Variants in EML6 observed in about 807,000 individuals in gnomAD.
EML6 encodes EMAP like 6, also known as echinoderm microtubule-associated protein-like 6.
EML6 carries 154 observed loss-of-function variants against 240.1 expected under a neutral mutation model. That is an observed-to-expected ratio of 0.64 (90% CI 0.56 to 0.73). EML6 has a LOEUF of 0.73. Among genes scored for constraint, EML6 ranks in the 30% least tolerant of loss-of-function variants. The probability of loss-of-function intolerance (pLI) is 0.00; values close to 1 mark genes in which losing one functional copy is unlikely to be tolerated. For missense variants in EML6, 2,964 were observed against 2,474.6 expected, an observed-to-expected ratio of 1.20 and a Z score of -4.20; for synonymous variants, 1,148 against 899.0, an observed-to-expected ratio of 1.28 and a Z score of -4.95.
intron 29 of EML6, among the ~76,000 whole-genome samples, chr2:54,950,015 A>G (rs1264662385): frequency 6.6e-6 from 1 of 152,244 alleles, no homozygotes; most frequent in Non-Finnish European, 1.5e-5. Context: ...CTGCACAGTG[A>G]TAGGCACAGA....
intron 32 of EML6, among the ~76,000 whole-genome samples, 164 bp from the exon 33 acceptor site, chr2:54,957,626 C>G (rs980691155): frequency 7.9e-5 from 12 of 152,218 alleles, no homozygotes; most frequent in Non-Finnish European, 1.3e-4. Flanking sequence ...GACACACTTT[C>G]CCCGCTGCCA....
At chr2:54,799,790 G>A (rs1212555843) in intron 2 of EML6, among the ~76,000 whole-genome samples, 1 of 152,224 alleles carries the variant, frequency 6.6e-6, no homozygotes, top group Admixed American at 6.5e-5. Context: ...TGAGATTGGA[G>A]AGGTAAAATT....
rs898957498 is a variant in EML6, at chr2:54,949,965, A to C, written c.4084-685A>C. Among the ~76,000 whole-genome samples, 5 of 151,864 alleles carry C rather than the reference A, an allele frequency of 3.3e-5. No homozygotes were observed. The South Asian group carries it at 6.3e-4, about 19-fold the overall frequency. ...GTCTTTCCTGATGCTTCTCACCCTA[A>C]ACCTTCCTGCAGTTCCCTGCCCACA... On this transcript the variant is annotated intron_variant, in intron 29 of 41. Transcript: ENST00000356458.
At chr2:54,961,193 T>TTTTTTTTTTTTTTTTTTTTTTTTTTTTG (rs1676492712) in intron 35 of EML6, among the ~76,000 whole-genome samples, 1 of 114,892 alleles carries the variant, frequency 8.7e-6, no homozygotes, top group Non-Finnish European at 1.8e-5. Context: ...AGTTTTTTTT[T>TTTTTTTTTTTTTTTTTTTTTTTTTTTTG]TTTTTTTTTT....
In EML6 at chr2:54,948,915, G is replaced by C; in HGVS notation, c.4038G>C (p.Glu1346Asp). The change falls in exon 29 of 42, where the codon GAG (glutamate) becomes GAC (aspartate). Residue 1346 changes from glutamate to aspartate, a missense_variant. Physicochemically the swap from Glu to Asp is conservative, Grantham distance 45 (BLOSUM62 2). Transcript: ENST00000356458. The stretch of plus-strand genomic sequence containing the variant: ...TTAGCCGAGCAGCTCCCCAGCCTGA[G>C]AAACTGCAGAAGAACAATATCACCA... Reference protein sequence around the residue: ...PPVSRAAPQPEKLQKNNITKK... With the variant: ...PPVSRAAPQPDKLQKNNITKK... 6.4e-7 allele frequency: 1 copy of C among 1,551,556 alleles called. No individual in the cohort carries two copies. The highest frequency in any genetic ancestry group is 8.7e-7 in the Non-Finnish European group (1 of 1,146,980).
At chr2:54,906,561 G>T (rs1673338705) in intron 24 of EML6, among the ~76,000 whole-genome samples, 1 of 152,192 alleles carries the variant, frequency 6.6e-6, no homozygotes. Flanking sequence ...GGAGTCAAAG[G>T]TCTTTGAAAA....
At chr2:54,863,285 C>T (rs920191028) in intron 12 of EML6, among the ~76,000 whole-genome samples, 1 of 152,132 alleles carries the variant, frequency 6.6e-6, no homozygotes, top group African/African-American at 2.4e-5. Flanking sequence ...GCTTAAAACC[C>T]AGGTATCTGC....
At position 54,965,412 on chromosome 2, in the gene EML6, G is replaced by A. The variant is rs535750688; in HGVS notation, c.5493+679G>A. 3.3e-5 allele frequency among the ~76,000 whole-genome samples: 5 copies of A among 152,306 alleles called. No homozygotes were observed. The South Asian group carries it at 1.0e-3, about 32-fold the overall frequency. ...AGACTGGTCCCGTAACCACCCAAGG[G>A]GTTCACCTTGCCGGCTGCCTAGACA... On this transcript the variant is annotated intron_variant, in intron 38 of 41. Transcript: ENST00000356458.
chr2:54,940,238 T>G (rs959460520), intron 28 of EML6, among the ~76,000 whole-genome samples: 1 of 152,212 alleles, frequency 6.6e-6, no homozygotes, highest in Non-Finnish European at 1.5e-5. Flanking sequence ...CATTAAAACC[T>G]ATCTTCCACC....
At position 54,859,525 on chromosome 2, in the gene EML6, T is replaced by A. The variant is rs958077140; in HGVS notation, c.1658-9T>A. The A allele has an allele frequency of 6.5e-7, 1 of 1,547,976 alleles. No homozygotes were observed. Among genetic ancestry groups the A allele is most frequent in the Admixed American group, 2.0e-5 (1 of 50,264 alleles). The stretch of plus-strand genomic sequence containing the variant: ...TCATAACTAATCCTCTCAAAAAATA[T>A]TCTTTCAGGAGCCAAATTTAGAAAG... On this transcript the variant is annotated splice_polypyrimidine_tract_variant and intron_variant, in intron 11 of 41. Transcript: ENST00000356458.
chr2:54,755,843 A>G lies in EML6; in HGVS notation c.197+30585A>G, dbSNP rs927365422. On this transcript the variant is annotated intron_variant, in intron 2 of 41. Coordinates refer to ENST00000356458, the MANE Select transcript of EML6 (RefSeq NM_001039753.4). ...CCTGGCTAATTTTTCTATTTTTAGT[A>G]GAGACGGAGTTTCATCATGTTGCCC... 4.6e-5 allele frequency among the ~76,000 whole-genome samples: 7 copies of G among 151,982 alleles called. No homozygotes were observed. The East Asian group carries it at 1.4e-3, about 29-fold the overall frequency.
At chr2:54,903,931 G>C (rs545721334) in intron 24 of EML6, among the ~76,000 whole-genome samples, 10 of 152,122 alleles carry the variant, frequency 6.6e-5, no homozygotes, top group Non-Finnish European at 1.3e-4. Flanking sequence ...CTCCAGCAGA[G>C]GTAGAAATCT....
intron 2 of EML6, among the ~76,000 whole-genome samples, chr2:54,736,471 AATCCCTAAG>A (rs1400103245): frequency 6.6e-6 from 1 of 152,170 alleles, no homozygotes; most frequent in Non-Finnish European, 1.5e-5. Context: ...CTCATTTATA[AATCCCTAAG>A]ATCCTTCCAA....
intron 2 of EML6, among the ~76,000 whole-genome samples, chr2:54,737,338 A>G (rs1296209181): frequency 6.6e-6 from 1 of 152,122 alleles, no homozygotes. Context: ...TCACTCTGTT[A>G]CCCAGGTTGG....
Position 54,899,783 on chromosome 2 carries a change from G to T in EML6, c.3124+1G>T. The T allele has an allele frequency of 6.5e-7, 1 of 1,550,274 alleles. No individual in the cohort carries two copies. On this transcript the variant is annotated splice_donor_variant, in intron 22 of 41. Coordinates refer to ENST00000356458, the MANE Select transcript of EML6 (RefSeq NM_001039753.4). LOFTEE classifies it high-confidence loss of function. ...CTGGCAGTACGGAAACTCAAAAAAGGTACATAACACCACCTTACACATCTG... is the reference window on the plus strand; with the variant it reads ...CTGGCAGTACGGAAACTCAAAAAAGTTACATAACACCACCTTACACATCTG...
chr2:54,833,646 C>T, intron 7 of EML6, among the ~76,000 whole-genome samples: 1 of 152,196 alleles, frequency 6.6e-6, no homozygotes. Context: ...AAGAAAATGT[C>T]ACTCACATGA....
At chr2:54,880,215 T>A (rs1173979497) in intron 17 of EML6, 1 of 152,776 alleles carries the variant, frequency 6.5e-6, no homozygotes, top group East Asian at 1.9e-4. Context: ...CAGCACTAAG[T>A]CTGAACACGA....
intron 16 of EML6, among the ~76,000 whole-genome samples, chr2:54,877,966 A>G (rs1442984979): frequency 1.3e-5 from 2 of 152,268 alleles, no homozygotes; most frequent in Non-Finnish European, 2.9e-5. Context: ...AGGGCCCTCA[A>G]AGCATGGGCA....
intron 12 of EML6, among the ~76,000 whole-genome samples, chr2:54,860,579 A>C (rs1573018492): frequency 1.3e-5 from 2 of 152,304 alleles, no homozygotes; most frequent in South Asian, 4.1e-4. Context: ...CTCCAGATCT[A>C]ATAATATACT....
Sources: gnomAD v4.1 joint callset for allele counts (sites outside exome capture counted in the v4.1 genomes callset) on GRCh38, gnomAD v4.1.1 for gene constraint, MANE v1.5 for transcripts, NCBI Gene and HGNC (gene_info 2026-07-23, HGNC 2026-07-21) for gene names.